The following OBP2B variants were observed in gnomAD, a reference collection of about 807,000 sequenced individuals.
OBP2B encodes the protein odorant binding protein 2B.
A neutral mutation model predicts 21.7 loss-of-function variants in OBP2B; 10 were observed. The ratio of observed to expected loss-of-function variants is 0.46; its 90% confidence interval spans 0.28 to 0.78. The LOEUF (loss-of-function observed/expected upper bound fraction) is 0.78, where lower values mean the gene tolerates loss of function less well. Among genes scored for constraint, OBP2B ranks in the 30% least tolerant of loss-of-function variants. OBP2B has a pLI of 0.11. For missense variants in OBP2B, 153 were observed against 217.7 expected, an observed-to-expected ratio of 0.70 and a Z score of 1.87; for synonymous variants, 73 against 91.5, an observed-to-expected ratio of 0.80 and a Z score of 1.16.
the OBP2B span, among the ~76,000 whole-genome samples, chr9:133,217,674 G>A: frequency 6.6e-6 from 1 of 152,174 alleles, no homozygotes; most frequent in Non-Finnish European, 1.5e-5. Context: ...GCCTTGGGTG[G>A]GGAGAGAGGC....
chr9:133,221,229 G>A, the OBP2B span, among the ~76,000 whole-genome samples: 3 of 152,238 alleles, frequency 2.0e-5, no homozygotes, highest in East Asian at 1.9e-4. Flanking sequence ...CAGAGGATGC[G>A]TTTCCTCACG....
Position 133,207,203 on chromosome 9 carries a change from G to A in OBP2B, c.388+23C>T, listed in dbSNP as rs537389787. Reference sequence around the variant, plus strand: ...AGGCAGAGACCGTGGGGCAGGACACGCAGACCCCAGCAAGCCCCTCACCCA... The same window carrying A: ...AGGCAGAGACCGTGGGGCAGGACACACAGACCCCAGCAAGCCCCTCACCCA... On this transcript the variant is annotated intron_variant, in intron 4 of 6. Coordinates refer to ENST00000372034, the MANE Select transcript of OBP2B (RefSeq NM_014581.4). The A allele has an allele frequency of 2.0e-5, 30 of 1,512,634 alleles. No homozygotes were observed. In the East Asian group the frequency reaches 3.4e-4, roughly 17 times the overall value. 93.7% of individuals were successfully genotyped at this position (1,512,634 alleles called of 1,614,324 possible).
chr9:133,207,836 G>C (rs1159724027), intron 3 of OBP2B: 4 of 1,483,128 alleles, frequency 2.7e-6, no homozygotes, highest in Non-Finnish European at 3.6e-6. Flanking sequence ...CAGCCTCCCC[G>C]TACCTAATCC....
At position 133,208,151 on chromosome 9, in the gene OBP2B, GCTC is replaced by G; in HGVS notation, c.256_258del (p.Glu86del). 2 of 1,611,450 alleles carry G rather than the reference GCTC, an allele frequency of 1.2e-6. No individual in the cohort carries two copies. Among genetic ancestry groups the G allele is most frequent in the Non-Finnish European group, 1.7e-6 (2 of 1,179,718 alleles). ...GGCTCACAGGCGCTGTATTTGCCAG[GCTC>G]CTCCGTCTTCCGCATCAGGATTTTC... On this transcript the variant is annotated inframe_deletion, in exon 3 of 7. Transcript: ENST00000372034.
upstream of OBP2B, among the ~76,000 whole-genome samples, chr9:133,212,844 T>A (rs1275251993): frequency 1.3e-5 from 2 of 151,954 alleles, no homozygotes; most frequent in Admixed American, 1.3e-4. Context: ...GGCAGGAGAA[T>A]CACTTGAACC....
chr9:133,222,736 A>T, the OBP2B span, among the ~76,000 whole-genome samples: 1 of 152,152 alleles, frequency 6.6e-6, no homozygotes, highest in African/African-American at 2.4e-5. Context: ...AAAACAAAAA[A>T]AAAGTGTCAT....
chr9:133,207,858 G>A lies in OBP2B; in HGVS notation c.277+275C>T, dbSNP rs781794427. On this transcript the variant is annotated intron_variant, in intron 3 of 6. Coordinates refer to ENST00000372034, the MANE Select transcript of OBP2B (RefSeq NM_014581.4). ...CCCGTACCTAATCCTTGGCCTCCTT[G>A]TCCCAATCCTCAGCTTCCTCAATGT... 5.9e-6 allele frequency: 9 copies of A among 1,513,190 alleles called. No individual in the cohort carries two copies. In the Admixed American group the frequency reaches 1.2e-4, roughly 20 times the overall value. The allele number at this position is 1,513,190 out of a possible 1,614,324, so 93.7% of individuals were successfully genotyped here.
chr9:133,213,871 C>T (rs1194225717), upstream of OBP2B, among the ~76,000 whole-genome samples: 12 of 152,206 alleles, frequency 7.9e-5, no homozygotes, highest in Non-Finnish European at 2.9e-5. Context: ...ATAACACCAA[C>T]TCTGCATAAT....
the OBP2B span, among the ~76,000 whole-genome samples, chr9:133,214,530 C>T: frequency 7.9e-5 from 12 of 152,312 alleles, no homozygotes; most frequent in East Asian, 5.8e-4. Flanking sequence ...AGTCATTAAT[C>T]GTCTGTCCAG....
chr9:133,210,850 A>G (rs539548489), upstream of OBP2B, among the ~76,000 whole-genome samples: 7 of 152,154 alleles, frequency 4.6e-5, no homozygotes, highest in South Asian at 1.2e-3. Context: ...CACCGTCAGG[A>G]GATGGTAGGG....
At chr9:133,208,075 T>C in intron 3 of OBP2B, 58 bp downstream of exon 3, 1 of 1,370,334 alleles carries the variant, frequency 7.3e-7, no homozygotes, top group Non-Finnish European at 9.6e-7. Flanking sequence ...CTGTGGAGGC[T>C]GGTGCACTGG....
rs1833832594 is a variant in OBP2B at position 133,208,734 on chromosome 9, T to C, written c.73-132A>G. On this transcript the variant is annotated intron_variant, in intron 1 of 6. Transcript: ENST00000372034. Reference sequence around the variant, plus strand: ...TGCCCTTAAAGGCAGGCTGTGTTCCTGCACCTTAGTTAGAGCTCAGCTGGA... The same window carrying C: ...TGCCCTTAAAGGCAGGCTGTGTTCCCGCACCTTAGTTAGAGCTCAGCTGGA... 1.6e-5 allele frequency: 24 copies of C among 1,460,198 alleles called. No homozygotes were observed. In the South Asian group the frequency reaches 3.3e-4, roughly 20 times the overall value. 90.5% of individuals were successfully genotyped at this position (1,460,198 alleles called of 1,614,324 possible). A position where few individuals can be genotyped will look rare whatever the true frequency, so the allele number is the denominator to read the frequency against.
the OBP2B span, among the ~76,000 whole-genome samples, chr9:133,214,571 C>T: frequency 1.3e-5 from 2 of 152,140 alleles, no homozygotes; most frequent in Admixed American, 6.5e-5. Context: ...TGATTTCAGC[C>T]GGGAAGTGGT....
At chr9:133,207,827 A>C in intron 3 of OBP2B, 3 of 1,461,174 alleles carry the variant, frequency 2.1e-6, no homozygotes, top group Non-Finnish European at 2.7e-6. Flanking sequence ...CCTAACCCTC[A>C]GCCTCCCCGT....
the OBP2B span, among the ~76,000 whole-genome samples, chr9:133,222,120 A>C: frequency 6.6e-6 from 1 of 151,820 alleles, no homozygotes; most frequent in African/African-American, 2.4e-5. Flanking sequence ...GTCAGTGCGT[A>C]TGTGCTGAGT....
Position 133,205,907 on chromosome 9 carries a change from G to T in OBP2B, c.*1+10C>A, listed in dbSNP as rs782267708. On this transcript the variant is annotated intron_variant, in intron 6 of 6. Coordinates refer to ENST00000372034, the MANE Select transcript of OBP2B (RefSeq NM_014581.4). ...GGGCTTGTCCAGTGCCCTCCTAAAGGCTCACTCACCCTAGTGTTCGGGAAC... is the reference window on the plus strand; with the variant it reads ...GGGCTTGTCCAGTGCCCTCCTAAAGTCTCACTCACCCTAGTGTTCGGGAAC... 2 of 1,613,726 alleles carry T rather than the reference G, an allele frequency of 1.2e-6. No homozygotes were observed. The highest frequency in any genetic ancestry group is 1.7e-6 in the Non-Finnish European group (2 of 1,179,794).
rs532483699 is a variant in OBP2B, at chr9:133,207,568, C to T, written c.278-232G>A. Reference sequence around the variant, plus strand: ...AGCACGTCCAGGACTAGAGTCCGGCCTTCCCAGCTCCAGCAGCTGCTCCTG... The same window carrying T: ...AGCACGTCCAGGACTAGAGTCCGGCTTTCCCAGCTCCAGCAGCTGCTCCTG... On this transcript the variant is annotated intron_variant, in intron 3 of 6. Coordinates refer to ENST00000372034, the MANE Select transcript of OBP2B (RefSeq NM_014581.4). 1.2e-4 allele frequency among the ~76,000 whole-genome samples: 19 copies of T among 152,294 alleles called. No individual in the cohort carries two copies. In the East Asian group the frequency reaches 3.5e-3, roughly 28 times the overall value.
chr9:133,207,738 C>G, intron 3 of OBP2B: 2 of 760,188 alleles, frequency 2.6e-6, no homozygotes, highest in South Asian at 1.5e-5. Context: ...ATCCCTAACC[C>G]TTGGCCCCCG....
upstream of OBP2B, among the ~76,000 whole-genome samples, chr9:133,210,778 T>C (rs1833901738): frequency 6.6e-6 from 1 of 152,230 alleles, no homozygotes; most frequent in African/African-American, 2.4e-5. Flanking sequence ...TCTTGCCCTG[T>C]GTCCCAGTCT....
Sources: allele counts gnomAD v4.1 joint callset (sites outside exome capture counted in the v4.1 genomes callset), GRCh38; gene constraint gnomAD v4.1.1; transcripts MANE v1.5; gene names NCBI Gene and HGNC (gene_info 2026-07-23, HGNC 2026-07-21).